The following OR2C1 variants were observed in gnomAD, a reference collection of about 807,000 sequenced individuals.
OR2C1 encodes olfactory receptor family 2 subfamily C member 1.
For synonymous variants in OR2C1, 209 were observed against 167.3 expected (o/e 1.25, Z -1.92); for missense variants, 468 against 388.3 (o/e 1.21, Z -1.73).
chr16:3,355,430 C>A (rs957534585), upstream of OR2C1, among the ~76,000 whole-genome samples: 10 of 117,652 alleles, frequency 8.5e-5, 1 homozygote, highest in African/African-American at 3.3e-4. Context: ...TGCACTCCAG[C>A]CTGGGTGACA....
chr16:3,349,054 A>G, the OR2C1 span, among the ~76,000 whole-genome samples: 8 of 151,996 alleles, frequency 5.3e-5, no homozygotes, highest in African/African-American at 1.9e-4. Flanking sequence ...CTGTCATGTA[A>G]CCACTATATG....
chr16:3,349,436 G>C, the OR2C1 span, among the ~76,000 whole-genome samples: 1 of 152,128 alleles, frequency 6.6e-6, no homozygotes, highest in Non-Finnish European at 1.5e-5. Flanking sequence ...CTACTCCAGG[G>C]CCAGAAGAGC....
chr16:3,326,841 A>T, the OR2C1 span, among the ~76,000 whole-genome samples: 1 of 152,180 alleles, frequency 6.6e-6, no homozygotes, highest in African/African-American at 2.4e-5. Flanking sequence ...GAGCCTTAGG[A>T]TGAAATCAGC....
chr16:3,346,440 T>C, the OR2C1 span, among the ~76,000 whole-genome samples: 1 of 152,256 alleles, frequency 6.6e-6, no homozygotes, highest in East Asian at 1.9e-4. Context: ...CAGTCCAGTC[T>C]GCCATTAACC....
Position 3,356,687 on chromosome 16 carries a change from C to G in OR2C1, c.747C>G (p.Phe249Leu). The G allele has an allele frequency of 3.1e-6, 5 of 1,614,198 alleles. No individual in the cohort carries two copies. Among genetic ancestry groups the G allele is most frequent in the Non-Finnish European group, 3.4e-6 (4 of 1,180,028 alleles). ...GCCTCTCCCATCTGCTGGTGGTGTT[C>G]CTCTTCTATGGCTCAGCCAGCTATG... is the stretch of plus-strand genomic sequence containing the variant. Reference protein sequence around the residue: ...NTCLSHLLVVFLFYGSASYGY... With the variant: ...NTCLSHLLVVLLFYGSASYGY... The change falls in exon 1 of 1, where the codon TTC becomes TTG. Residue 249 changes from phenylalanine (F) to leucine (L), a missense_variant. Physicochemically the swap from Phe to Leu is conservative, Grantham distance 22 (BLOSUM62 0). Coordinates refer to ENST00000304936, the MANE Select transcript of OR2C1 (RefSeq NM_012368.3).
upstream of OR2C1, among the ~76,000 whole-genome samples, chr16:3,353,661 C>T (rs892429798): frequency 2.7e-5 from 4 of 150,514 alleles, no homozygotes; most frequent in African/African-American, 7.3e-5. Flanking sequence ...ATTAGTCAGG[C>T]GTGGTGGTGC....
the OR2C1 span, among the ~76,000 whole-genome samples, chr16:3,324,151 G>A: frequency 2.6e-5 from 4 of 151,994 alleles, no homozygotes; most frequent in Non-Finnish European, 5.9e-5. Context: ...AGTAGCATAG[G>A]GAACAACAGC....
chr16:3,343,954 C>T, the OR2C1 span, among the ~76,000 whole-genome samples: 3 of 152,146 alleles, frequency 2.0e-5, no homozygotes, highest in African/African-American at 7.2e-5. Context: ...CGCAATGGCT[C>T]ATGCTTGTAA....
Position 3,355,995 on chromosome 16 carries a change from G to T in OR2C1, c.55G>T (p.Asp19Tyr). Residue 19 changes from aspartate (D) to tyrosine (Y), a missense_variant, in exon 1 of 1, where the codon GAC becomes TAC. Asp to Tyr is a radical substitution (Grantham distance 160). Coordinates refer to ENST00000304936, the MANE Select transcript of OR2C1 (RefSeq NM_012368.3). ...GGGCTTTGTTCTGATGGGCATATCA[G>T]ACCATCCCCAGCTGGAGATGATCTT... is the stretch of plus-strand genomic sequence containing the variant. The part of the protein sequence containing the change: ...LQGFVLMGIS[D>Y]HPQLEMIFFI... 3.7e-6 allele frequency: 6 copies of T among 1,614,010 alleles called. No homozygotes were observed. Among genetic ancestry groups the T allele is most frequent in the Non-Finnish European group, 5.1e-6 (6 of 1,179,924 alleles).
rs200246812 is a variant in OR2C1 at position 3,356,776 on chromosome 16, C to T, written c.836C>T (p.Ser279Leu). Residue 279 changes from serine (S) to leucine (L), a missense_variant, in exon 1 of 1, where the codon TCG becomes TTG. Coordinates refer to ENST00000304936, the MANE Select transcript of OR2C1 (RefSeq NM_012368.3). ...DQGKFISLFY[S>L]LVTPMVNPLI... ...GGCAAGTTCATTTCCCTGTTCTACT[C>T]GTTGGTCACACCCATGGTGAATCCC... is the stretch of plus-strand genomic sequence containing the variant. The T allele has an allele frequency of 6.6e-5, 107 of 1,614,122 alleles. No individual in the cohort carries two copies. Among genetic ancestry groups the T allele is most frequent in the South Asian group, 1.3e-4 (12 of 91,078 alleles).
chr16:3,352,752 T>A (rs2150850885), upstream of OR2C1, among the ~76,000 whole-genome samples: 1 of 150,356 alleles, frequency 6.7e-6, no homozygotes, highest in Admixed American at 6.6e-5. Flanking sequence ...TTTTTTTTTT[T>A]TTTTCTGAGG....
At chr16:3,351,109 T>C (rs890191473), upstream of OR2C1, among the ~76,000 whole-genome samples, 2 of 151,780 alleles carry the variant, frequency 1.3e-5, no homozygotes, top group Admixed American at 1.3e-4. Context: ...GCATACCTTA[T>C]TTTTCTCTTG....
At chr16:3,334,393 C>T in the OR2C1 span, among the ~76,000 whole-genome samples, 1 of 151,540 alleles carries the variant, frequency 6.6e-6, no homozygotes, top group Non-Finnish European at 1.5e-5. Context: ...GCCTCGGCTT[C>T]CCAAAGTGCT....
chr16:3,347,105 G>A, the OR2C1 span, among the ~76,000 whole-genome samples: 3 of 150,964 alleles, frequency 2.0e-5, no homozygotes, highest in African/African-American at 7.3e-5. Context: ...AAATTAGCTG[G>A]GCACAGTGGT....
the OR2C1 span, among the ~76,000 whole-genome samples, chr16:3,343,986 A>G: frequency 2.6e-4 from 39 of 152,182 alleles, no homozygotes; most frequent in Admixed American, 5.2e-4. Flanking sequence ...TGGGAGGCCA[A>G]TGTGGGGGGA....
the OR2C1 span, among the ~76,000 whole-genome samples, chr16:3,331,505 G>A: frequency 6.6e-6 from 1 of 150,664 alleles, no homozygotes; most frequent in African/African-American, 2.4e-5. Flanking sequence ...TTCTTCTAGG[G>A]TTTTTATGGT....
chr16:3,334,249 C>T, the OR2C1 span, among the ~76,000 whole-genome samples: 4 of 151,340 alleles, frequency 2.6e-5, no homozygotes, highest in East Asian at 2.0e-4. Context: ...GTGATTCTCC[C>T]GCCTCAGCCT....
chr16:3,350,938 G>C (rs2030562857), upstream of OR2C1, among the ~76,000 whole-genome samples: 1 of 150,566 alleles, frequency 6.6e-6, no homozygotes, highest in South Asian at 2.1e-4. Flanking sequence ...CACTTTGAGA[G>C]GCTGAGGCGG....
Position 3,356,854 on chromosome 16 carries a change from T to C in OR2C1, c.914T>C (p.Leu305Pro), listed in dbSNP as rs1242778618. Residue 305 changes from leucine to proline, a missense_variant, in exon 1 of 1, where the codon CTG becomes CCG. Transcript: ENST00000304936. ...MEVKGALRRL[L>P]GKGREVG ...GTGAAGGGCGCACTGAGGAGGTTGCTGGGGAAAGGAAGAGAAGTTGGCTGA... is the reference window on the plus strand; with the variant it reads ...GTGAAGGGCGCACTGAGGAGGTTGCCGGGGAAAGGAAGAGAAGTTGGCTGA... The C allele has an allele frequency of 3.7e-6, 6 of 1,601,962 alleles. No individual in the cohort carries two copies. The highest frequency in any genetic ancestry group is 5.1e-6 in the Non-Finnish European group (6 of 1,172,922).
Sources: allele counts gnomAD v4.1 joint callset (sites outside exome capture counted in the v4.1 genomes callset), GRCh38; gene constraint gnomAD v4.1.1; transcripts MANE v1.5; gene names NCBI Gene and HGNC (gene_info 2026-07-23, HGNC 2026-07-21).